C20orf203: variants seen among roughly 807,000 people sequenced by gnomAD.
C20orf203 encodes the protein uncharacterized protein C20orf203.
A neutral mutation model predicts 15.9 loss-of-function variants in C20orf203; 16 were observed. The ratio of observed to expected loss-of-function variants is 1.01; its 90% confidence interval spans 0.68 to 1.53. The LOEUF is 1.53. Among genes scored for constraint, C20orf203 ranks in the 40% most tolerant of loss-of-function variants. C20orf203 has a pLI of 0.00. For missense variants in C20orf203, 263 were observed against 247.5 expected (o/e 1.06, Z -0.42); for synonymous variants, 98 against 97.2 (o/e 1.01, Z -0.05).
intron 5 of C20orf203, 25 bp from the exon 6 acceptor site, chr20:32,634,295 A>C (rs1982080213): frequency 2.5e-6 from 1 of 398,408 alleles, no homozygotes; most frequent in Non-Finnish European, 4.4e-6. Context: ...AAGAATTAGC[A>C]AGACAGGCAT....
chr20:32,651,034 GTT>G lies in C20orf203; in HGVS notation c.117_118del (p.Lys39AsnfsTer81), dbSNP rs1253584915. On this transcript the variant is annotated frameshift_variant, in exon 3 of 6. Coordinates refer to ENST00000608990, the MANE Select transcript of C20orf203 (RefSeq NM_182584.4). LOFTEE classifies it high-confidence loss of function. ...ACTTCTTACCCGGCTCAGCATTCCA[GTT>G]TTTGTAAAGGGAAAACTGGCCAGGC... The G allele has an allele frequency of 9.3e-6, 14 of 1,506,592 alleles. No individual in the cohort carries two copies. Among genetic ancestry groups the G allele is most frequent in the Non-Finnish European group, 1.2e-5 (13 of 1,124,302 alleles). The allele number at this position is 1,506,592 out of a possible 1,614,324, so 93.3% of individuals were successfully genotyped here.
chr20:32,641,333 C>CAAAAAAAAA (rs71338447), intron 4 of C20orf203, among the ~76,000 whole-genome samples: 2 of 56,966 alleles, frequency 3.5e-5, no homozygotes, highest in African/African-American at 6.8e-5. Context: ...CTCAAAAACT[C>CAAAAAAAAA]AAAAAAAAAA....
chr20:32,658,267 T>C (rs1003829073), intron 1 of C20orf203, among the ~76,000 whole-genome samples: 32 of 152,252 alleles, frequency 2.1e-4, no homozygotes, highest in African/African-American at 7.7e-4. Context: ...TGTATCTATA[T>C]GTGTATAACA....
intron 5 of C20orf203, among the ~76,000 whole-genome samples, chr20:32,635,522 A>C (rs908437470): frequency 2.6e-5 from 4 of 151,180 alleles, no homozygotes; most frequent in Non-Finnish European, 4.4e-5. Context: ...AAATAATAAT[A>C]ATCATTTCCT....
rs1043976718 is a variant in C20orf203, at chr20:32,631,819, G to A, written c.*3751C>T. 6.6e-6 allele frequency: 1 copy of A among 152,222 alleles called. No individual in the cohort carries two copies. Among genetic ancestry groups the A allele is most frequent in the African/African-American group, 2.4e-5 (1 of 41,450 alleles). 9.4% of individuals were successfully genotyped at this position (152,222 alleles called of 1,614,324 possible). A position where few individuals can be genotyped will look rare whatever the true frequency, so the allele number is the denominator to read the frequency against. On this transcript the variant is annotated 3_prime_UTR_variant, in exon 6 of 6. Transcript: ENST00000608990. ...GGCAGGGTCTGTGGGGGTCAGGCCT[G>A]TTTGGTAGTCTCAAGCTACATCTGG...
At chr20:32,651,274 A>C in intron 2 of C20orf203, 108 bp from the exon 3 acceptor site, 1 of 420,952 alleles carries the variant, frequency 2.4e-6, no homozygotes, top group Non-Finnish European at 4.2e-6. Flanking sequence ...ACTTCAGCCC[A>C]GAAGGTTGAG....
chr20:32,650,502 C>T lies in C20orf203; in HGVS notation c.515G>A (p.Gly172Asp), dbSNP rs1982578714. ...FQDFCLPSLP[G>D]KLPAPLISKQ... ...GCTAATTAAAGGTGCAGGCAACTTG[C>T]CTGGCAAGGATGGGAGGCAGAAGTC... The change falls in exon 4 of 6, where the codon GGC becomes GAC. Residue 172 changes from glycine to aspartate, a missense_variant. Gly to Asp is a moderately conservative substitution (Grantham distance 94). Coordinates refer to ENST00000608990, the MANE Select transcript of C20orf203 (RefSeq NM_182584.4). The T allele has an allele frequency of 6.4e-7, 1 of 1,550,452 alleles. No individual in the cohort carries two copies. The highest frequency in any genetic ancestry group is 8.7e-7 in the Non-Finnish European group (1 of 1,146,982).
chr20:32,650,547 C>G lies in C20orf203; in HGVS notation c.470G>C (p.Trp157Ser). The G allele has an allele frequency of 6.5e-7, 1 of 1,549,854 alleles. No individual in the cohort carries two copies. Among genetic ancestry groups the G allele is most frequent in the Non-Finnish European group, 8.7e-7 (1 of 1,146,314 alleles). The change falls in exon 4 of 6, where the codon TGG becomes TCG. Residue 157 changes from tryptophan to serine, a missense_variant. By Grantham distance (177) the Trp-to-Ser change is radical. Coordinates refer to ENST00000608990, the MANE Select transcript of C20orf203 (RefSeq NM_182584.4). ...DFGQALSSLAWTSTCFQDFCL... is the reference protein window; with the variant it reads ...DFGQALSSLASTSTCFQDFCL... ...GAAGTCCTGGAAACATGTTGAGGTC[C>G]AGGCCAGCGAGGACAGAGCTTGGCC...
At chr20:32,653,609 C>T (rs1325464460) in intron 1 of C20orf203, among the ~76,000 whole-genome samples, 2 of 152,172 alleles carry the variant, frequency 1.3e-5, no homozygotes, top group Admixed American at 1.3e-4. Flanking sequence ...TGGTATCATA[C>T]TTCATGGTGA....
chr20:32,669,223 C>T (rs1184371736), intron 1 of C20orf203, among the ~76,000 whole-genome samples: 3 of 152,200 alleles, frequency 2.0e-5, no homozygotes, highest in African/African-American at 7.2e-5. Flanking sequence ...GTGTGCTGAA[C>T]TTGTGTTAAC....
rs115263507 is a variant in C20orf203, at chr20:32,642,283, C to A, written c.*1178-1596G>T. Among the ~76,000 whole-genome samples, 601 of 152,340 alleles carry A rather than the reference C, an allele frequency of 3.9e-3. 1 individual carries two copies. The highest frequency in any genetic ancestry group is 0.014 in the African/African-American group (563 of 41,572). On this transcript the variant is annotated intron_variant, in intron 4 of 5. Transcript: ENST00000608990. Reference sequence around the variant, plus strand: ...CCCACCGCCAGGGACATCTTGAAGCCCCCTGCAGACTTGGCCCTGCTCTGA... The same window carrying A: ...CCCACCGCCAGGGACATCTTGAAGCACCCTGCAGACTTGGCCCTGCTCTGA...
intron 1 of C20orf203, among the ~76,000 whole-genome samples, chr20:32,668,975 A>C (rs1983099831): frequency 6.6e-6 from 1 of 152,098 alleles, no homozygotes; most frequent in Admixed American, 6.5e-5. Context: ...AAGATGGTAC[A>C]AGACTCATCT....
At chr20:32,655,685 C>G (rs1982738069) in intron 1 of C20orf203, among the ~76,000 whole-genome samples, 1 of 152,126 alleles carries the variant, frequency 6.6e-6, no homozygotes, top group African/African-American at 2.4e-5. Context: ...CCCAGCTACT[C>G]AGAAGGCTGA....
At chr20:32,634,389 C>T (rs1289191995) in intron 5 of C20orf203, 119 bp from the exon 6 acceptor site, 1 of 395,000 alleles carries the variant, frequency 2.5e-6, no homozygotes, top group Non-Finnish European at 4.5e-6. Context: ...GCACGTTGTT[C>T]CTTACAGCTG....
At chr20:32,648,133 G>T (rs1369123031) in intron 4 of C20orf203, among the ~76,000 whole-genome samples, 1 of 152,186 alleles carries the variant, frequency 6.6e-6, no homozygotes, top group African/African-American at 2.4e-5. Flanking sequence ...CCCGGGTCTA[G>T]CTGACTCCAG....
At chr20:32,646,393 A>G (rs949976239) in intron 4 of C20orf203, among the ~76,000 whole-genome samples, 4 of 152,014 alleles carry the variant, frequency 2.6e-5, no homozygotes, top group African/African-American at 9.7e-5. Context: ...TTTAGTAGAG[A>G]TGGGGTTTCA....
At chr20:32,662,713 C>T (rs1244002749) in intron 1 of C20orf203, among the ~76,000 whole-genome samples, 1 of 151,960 alleles carries the variant, frequency 6.6e-6, no homozygotes, top group Admixed American at 6.6e-5. Flanking sequence ...GCCCCCATCT[C>T]AGCAGTCAGG....
chr20:32,660,855 G>A (rs1303463923), intron 1 of C20orf203, among the ~76,000 whole-genome samples: 1 of 150,156 alleles, frequency 6.7e-6, no homozygotes. Flanking sequence ...CGGCAGGAGA[G>A]AGAAGTGCCA....
At chr20:32,661,668 T>C (rs924418256) in intron 1 of C20orf203, among the ~76,000 whole-genome samples, 2 of 152,076 alleles carry the variant, frequency 1.3e-5, no homozygotes, top group Non-Finnish European at 2.9e-5. Flanking sequence ...TCCTGGGGAC[T>C]AAATCAGGGC....
Sources: gnomAD v4.1 joint callset for allele counts (sites outside exome capture counted in the v4.1 genomes callset) on GRCh38, gnomAD v4.1.1 for gene constraint, MANE v1.5 for transcripts, NCBI Gene and HGNC (gene_info 2026-07-23, HGNC 2026-07-21) for gene names.